The following MAML3 variants were observed in gnomAD, a reference collection of about 807,000 sequenced individuals.
The protein encoded by MAML3 is mastermind like transcriptional coactivator 3.
In MAML3, 27 loss-of-function variants were observed where a neutral mutation model predicts 101.9. The observed-to-expected ratio is 0.27, with a 90% CI of 0.20 to 0.37. MAML3 has a LOEUF of 0.37. Among genes scored for constraint, MAML3 ranks in the 10% least tolerant of loss-of-function variants. The probability of loss-of-function intolerance (pLI) is 1.00; values close to 1 mark genes in which losing one functional copy is unlikely to be tolerated. For synonymous variants in MAML3, 501 were observed against 555.9 expected, an observed-to-expected ratio of 0.90 and a Z score of 1.39; for missense variants, 1,316 against 1,444.9, an observed-to-expected ratio of 0.91 and a Z score of 1.45.
chr4:139,908,165 A>G (rs1420867767), intron 1 of MAML3, among the ~76,000 whole-genome samples: 1 of 152,186 alleles, frequency 6.6e-6, no homozygotes, highest in Non-Finnish European at 1.5e-5. Context: ...GAATTGTATA[A>G]TCTGTCTAGG....
intron 1 of MAML3, among the ~76,000 whole-genome samples, chr4:139,907,177 G>A (rs1398095042): frequency 6.6e-6 from 1 of 152,232 alleles, no homozygotes; most frequent in African/African-American, 2.4e-5. Flanking sequence ...AAATATGCAT[G>A]TGGTGTTTTC....
At chr4:139,782,729 G>A (rs1003419974) in intron 2 of MAML3, among the ~76,000 whole-genome samples, 7 of 152,124 alleles carry the variant, frequency 4.6e-5, no homozygotes, top group African/African-American at 1.4e-4. Context: ...CAGAGCTAGT[G>A]GTGTGCGCAC....
intron 1 of MAML3, among the ~76,000 whole-genome samples, chr4:140,094,080 A>T (rs1728109296): frequency 6.6e-6 from 1 of 152,154 alleles, no homozygotes; most frequent in Non-Finnish European, 1.5e-5. Flanking sequence ...TTCTCTGCCA[A>T]TGAGCTCTGC....
chr4:140,010,429 A>G (rs1726531151), intron 1 of MAML3, among the ~76,000 whole-genome samples: 1 of 152,200 alleles, frequency 6.6e-6, no homozygotes. Flanking sequence ...ATGTAACTAT[A>G]TGTATATTTG....
At chr4:139,750,340 C>T (rs1056099177) in intron 2 of MAML3, among the ~76,000 whole-genome samples, 3 of 152,148 alleles carry the variant, frequency 2.0e-5, no homozygotes, top group African/African-American at 4.8e-5. Context: ...TAAAATCAAC[C>T]GATCAGAGGG....
At chr4:139,822,718 C>T (rs1222735768) in intron 2 of MAML3, among the ~76,000 whole-genome samples, 2 of 152,224 alleles carry the variant, frequency 1.3e-5, no homozygotes, top group African/African-American at 4.8e-5. Flanking sequence ...AGGCTCACTT[C>T]AGGAATCAGC....
rs571055010 is a variant in MAML3 at position 139,945,472 on chromosome 4, C to G, written c.469-54505G>C. 2.0e-5 allele frequency among the ~76,000 whole-genome samples: 3 copies of G among 152,228 alleles called. No homozygotes were observed. In the East Asian group the frequency reaches 5.8e-4, roughly 29 times the overall value. ...AATGATTACTGCTGGATGCCAATAC[C>G]TCTTTTCAAATAGCCAAACATTTAT... On this transcript the variant is annotated intron_variant, in intron 1 of 4. Coordinates refer to ENST00000509479, the MANE Select transcript of MAML3 (RefSeq NM_018717.5).
At chr4:139,972,017 T>C (rs561444013) in intron 1 of MAML3, among the ~76,000 whole-genome samples, 1 of 152,356 alleles carries the variant, frequency 6.6e-6, no homozygotes, top group African/African-American at 2.4e-5. Context: ...TCTCACACTT[T>C]TGATGTTCTT....
In MAML3 at chr4:140,117,649, GTA is replaced by G. The variant is rs57634970; in HGVS notation, c.468+35209_468+35210del. On this transcript the variant is annotated intron_variant, in intron 1 of 4. Transcript: ENST00000509479. Reference sequence around the variant, plus strand: ...TATGTATGTATGTATGTGTATACAGGTATATATATATATACACATATATACGT... The same window carrying G: ...TATGTATGTATGTATGTGTATACAGGTATATATATATACACATATATACGT... Among the ~76,000 whole-genome samples, 444 of 148,520 alleles carry G rather than the reference GTA, an allele frequency of 3.0e-3. 3 individuals carry two copies. Among genetic ancestry groups the G allele is most frequent in the African/African-American group, 9.6e-3 (390 of 40,492 alleles).
At chr4:139,930,959 G>T (rs1055716407) in intron 1 of MAML3, among the ~76,000 whole-genome samples, 2 of 151,970 alleles carry the variant, frequency 1.3e-5, no homozygotes, top group African/African-American at 4.8e-5. Context: ...GACTGCTATA[G>T]GTACATTTTT....
chr4:140,015,084 T>G (rs1166934200), intron 1 of MAML3, among the ~76,000 whole-genome samples: 2 of 152,188 alleles, frequency 1.3e-5, no homozygotes, highest in Non-Finnish European at 2.9e-5. Context: ...TAGTTTGAAT[T>G]CCAATTGAAA....
intron 1 of MAML3, among the ~76,000 whole-genome samples, chr4:140,082,088 T>C (rs1727868600): frequency 6.6e-6 from 1 of 152,146 alleles, no homozygotes; most frequent in Non-Finnish European, 1.5e-5. Context: ...TCACACACAG[T>C]AGCAGACCAA....
intron 1 of MAML3, among the ~76,000 whole-genome samples, chr4:139,898,581 G>T (rs1381664905): frequency 6.6e-6 from 1 of 152,208 alleles, no homozygotes; most frequent in Non-Finnish European, 1.5e-5. Flanking sequence ...TTCACCAGCT[G>T]GTAGAGACAC....
chr4:139,911,939 A>G (rs1578593415), intron 1 of MAML3, among the ~76,000 whole-genome samples: 1 of 152,262 alleles, frequency 6.6e-6, no homozygotes, highest in African/African-American at 2.4e-5. Context: ...ACATATGTAC[A>G]TACCACACTT....
chr4:139,722,591 T>A (rs1728280209), intron 4 of MAML3, among the ~76,000 whole-genome samples: 1 of 152,166 alleles, frequency 6.6e-6, no homozygotes, highest in Non-Finnish European at 1.5e-5. Flanking sequence ...AGTATCCAAC[T>A]TTTTCCTAAA....
intron 1 of MAML3, among the ~76,000 whole-genome samples, chr4:139,989,439 C>G (rs965783371): frequency 5.3e-5 from 8 of 152,158 alleles, no homozygotes; most frequent in African/African-American, 1.9e-4. Context: ...TCTGCCTGAT[C>G]TTCCTCCCTA....
intron 2 of MAML3, among the ~76,000 whole-genome samples, chr4:139,809,526 G>C (rs1397019344): frequency 2.0e-5 from 3 of 152,180 alleles, no homozygotes; most frequent in African/African-American, 7.2e-5. Context: ...ATGTGACCCT[G>C]GTCCCCACCC....
intron 1 of MAML3, among the ~76,000 whole-genome samples, chr4:140,044,592 C>T (rs537035581): frequency 3.9e-5 from 6 of 152,200 alleles, no homozygotes; most frequent in African/African-American, 2.4e-5. Flanking sequence ...GTGCTACCAG[C>T]GGCCTCAAAG....
chr4:140,120,216 G>A (rs868767214), intron 1 of MAML3, among the ~76,000 whole-genome samples: 203 of 138,110 alleles, frequency 1.5e-3, no homozygotes, highest in South Asian at 2.2e-3. Context: ...CAGCCTGGGC[G>A]ACAGAGCGAG....
Sources: gnomAD v4.1 joint callset for allele counts (sites outside exome capture counted in the v4.1 genomes callset) on GRCh38, gnomAD v4.1.1 for gene constraint, MANE v1.5 for transcripts, NCBI Gene and HGNC (gene_info 2026-07-23, HGNC 2026-07-21) for gene names.